The following LHCGR variants were observed in gnomAD, a reference collection of about 807,000 sequenced individuals.
The protein encoded by LHCGR is luteinizing hormone/choriogonadotropin receptor, also known as lutropin-choriogonadotropic hormone receptor.
Under a neutral mutation model 60.7 loss-of-function variants are expected in LHCGR, and 55 were observed. That is an observed-to-expected ratio of 0.91 (90% CI 0.73 to 1.13). The LOEUF is 1.13. Ranked by LOEUF, LHCGR falls within the 50% of genes most tolerant of loss-of-function variation. The pLI is 0.00. For synonymous variants in LHCGR, 337 were observed against 316.5 expected, an observed-to-expected ratio of 1.06 and a Z score of -0.69; for missense variants, 862 against 836.0, an observed-to-expected ratio of 1.03 and a Z score of -0.38.
intron 2 of LHCGR, among the ~76,000 whole-genome samples, chr2:48,730,954 CTT>C (rs889910452): frequency 6.6e-6 from 1 of 152,080 alleles, no homozygotes; most frequent in Non-Finnish European, 1.5e-5. Context: ...TGGAATCTAT[CTT>C]TTTTTCTCCT....
rs1281674432 is a variant in LHCGR, at chr2:48,740,169, C to T, written c.162-8871G>A. ...AACGGTGCACGAGGAGATTATATCCCGCACCTGGCTCGGAGGGTCTTACGC... is the reference window on the plus strand; with the variant it reads ...AACGGTGCACGAGGAGATTATATCCTGCACCTGGCTCGGAGGGTCTTACGC... On this transcript the variant is annotated intron_variant, in intron 1 of 10. Coordinates refer to ENST00000294954, the MANE Select transcript of LHCGR (RefSeq NM_000233.4). Among the ~76,000 whole-genome samples the T allele has an allele frequency of 5.3e-5, 8 of 152,354 alleles. 1 individual carries two copies. The highest frequency in any genetic ancestry group is 3.9e-4 in the East Asian group (2 of 5,176).
At chr2:48,697,426 T>C (rs1385341174) in intron 9 of LHCGR, among the ~76,000 whole-genome samples, 1 of 152,230 alleles carries the variant, frequency 6.6e-6, no homozygotes, top group Non-Finnish European at 1.5e-5. Context: ...GTCTGTGACT[T>C]ATCTTTGTAA....
At chr2:48,703,767 T>C (rs1270538426) in intron 8 of LHCGR, among the ~76,000 whole-genome samples, 1 of 152,246 alleles carries the variant, frequency 6.6e-6, no homozygotes, top group Non-Finnish European at 1.5e-5. Context: ...AAGTTGCTTA[T>C]CAGCTTAAGG....
intron 1 of LHCGR, among the ~76,000 whole-genome samples, chr2:48,741,851 T>G: frequency 6.6e-6 from 1 of 151,020 alleles, no homozygotes; most frequent in Non-Finnish European, 1.5e-5. Flanking sequence ...ATATTAACTT[T>G]AAATGTAAAT....
chr2:48,706,626 A>G (rs1198841959), intron 8 of LHCGR, among the ~76,000 whole-genome samples: 1 of 151,558 alleles, frequency 6.6e-6, no homozygotes, highest in Non-Finnish European at 1.5e-5. Flanking sequence ...TTCTTGCTTT[A>G]TTTCATTAAT....
chr2:48,728,716 C>T (rs1483773685), intron 3 of LHCGR, among the ~76,000 whole-genome samples: 2 of 152,148 alleles, frequency 1.3e-5, no homozygotes, highest in Non-Finnish European at 2.9e-5. Context: ...ACCCAACACA[C>T]ACATGCCTAT....
At chr2:48,743,726 C>A (rs2103699796) in intron 1 of LHCGR, among the ~76,000 whole-genome samples, 1 of 152,102 alleles carries the variant, frequency 6.6e-6, no homozygotes, top group Non-Finnish European at 1.5e-5. Flanking sequence ...GACAAACCCA[C>A]AGCCAATATC....
At chr2:48,750,557 A>AAC (rs1669914253) in intron 1 of LHCGR, among the ~76,000 whole-genome samples, 1 of 152,090 alleles carries the variant, frequency 6.6e-6, no homozygotes, top group African/African-American at 2.4e-5. Context: ...GCATTTTCTC[A>AAC]CTTCCCCATT....
In LHCGR at chr2:48,687,235, T is replaced by G. The variant is rs559109561; in HGVS notation, c.*462A>C. On this transcript the variant is annotated 3_prime_UTR_variant, in exon 11 of 11. Transcript: ENST00000294954. ...ATTTCTCATTTTATTTAATTTTAAT[T>G]TAGCCACATGTGGCTAGTGGCTACC... 1.6e-4 allele frequency: 25 copies of G among 158,758 alleles called. No individual in the cohort carries two copies. The highest frequency in any genetic ancestry group is 5.8e-4 in the African/African-American group (24 of 41,588). The allele number at this position is 158,758 out of a possible 1,614,324, so 9.8% of individuals were successfully genotyped here.
In LHCGR at chr2:48,725,661, A is replaced by G. The variant is rs1186300707; in HGVS notation, c.383+15T>C. The stretch of plus-strand genomic sequence containing the variant: ...TCTTCCCCTCCCCAATTGCTTAAAA[A>G]GGAAAATTTCTCACAAGTATTTTAA... On this transcript the variant is annotated intron_variant, in intron 4 of 10. Transcript: ENST00000294954. The G allele has an allele frequency of 1.3e-5, 20 of 1,597,640 alleles. No homozygotes were observed. The highest frequency in any genetic ancestry group is 1.7e-5 in the Non-Finnish European group (20 of 1,165,178).
At chr2:48,734,657 T>C (rs2103649339) in intron 1 of LHCGR, among the ~76,000 whole-genome samples, 1 of 152,314 alleles carries the variant, frequency 6.6e-6, no homozygotes, top group Non-Finnish European at 1.5e-5. Context: ...TGTGAACTAT[T>C]GTGGAAAGGT....
intron 8 of LHCGR, among the ~76,000 whole-genome samples, chr2:48,699,340 C>T (rs1023424746): frequency 1.3e-5 from 2 of 152,120 alleles, no homozygotes; most frequent in Admixed American, 6.5e-5. Context: ...ACCTACCATA[C>T]ATTTATTAGC....
intron 1 of LHCGR, among the ~76,000 whole-genome samples, chr2:48,754,822 A>G (rs554458462): frequency 3.9e-4 from 60 of 151,974 alleles, no homozygotes; most frequent in African/African-American, 1.4e-3. Flanking sequence ...TTACCCCATT[A>G]CTCCAGAAAC....
At chr2:48,713,013 A>G (rs1004376655) in intron 7 of LHCGR, among the ~76,000 whole-genome samples, 45 of 152,158 alleles carry the variant, frequency 3.0e-4, no homozygotes, top group Admixed American at 2.2e-3. Flanking sequence ...CCAACATTAG[A>G]CTGTGCTACC....
At chr2:48,702,206 G>T (rs1013962287) in intron 8 of LHCGR, among the ~76,000 whole-genome samples, 4 of 151,656 alleles carry the variant, frequency 2.6e-5, no homozygotes, top group Non-Finnish European at 4.4e-5. Flanking sequence ...GTTTCATGTT[G>T]GATGTTTCAG....
chr2:48,716,319 A>G (rs1489809584), intron 6 of LHCGR, among the ~76,000 whole-genome samples: 2 of 152,220 alleles, frequency 1.3e-5, no homozygotes, highest in African/African-American at 4.8e-5. Context: ...GTTATGATTT[A>G]TGGTAAGAAA....
In LHCGR at chr2:48,687,527, T is replaced by C. The variant is rs1039407616; in HGVS notation, c.*170A>G. 3.1e-5 allele frequency: 18 copies of C among 578,122 alleles called. No individual in the cohort carries two copies. The highest frequency in any genetic ancestry group is 2.1e-4 in the Admixed American group (7 of 32,830). The allele number at this position is 578,122 out of a possible 1,614,324, so 35.8% of individuals were successfully genotyped here. On this transcript the variant is annotated 3_prime_UTR_variant, in exon 11 of 11. Transcript: ENST00000294954. ...TGTAACAATGACAAATAGTTTTTAG[T>C]GTGGCAGTGGTCATAGACTACACTT...
intron 1 of LHCGR, among the ~76,000 whole-genome samples, chr2:48,744,702 G>T (rs1170591956): frequency 1.4e-5 from 2 of 140,690 alleles, no homozygotes; most frequent in East Asian, 2.1e-4. Flanking sequence ...ATTCAAGATG[G>T]ATTAAAGACT....
At chr2:48,703,704 A>C (rs551384804) in intron 8 of LHCGR, among the ~76,000 whole-genome samples, 1 of 152,308 alleles carries the variant, frequency 6.6e-6, no homozygotes, top group South Asian at 2.1e-4. Context: ...TTATTGGTGA[A>C]TAGGAATGCT....
Sources: gnomAD v4.1 joint callset for allele counts (sites outside exome capture counted in the v4.1 genomes callset) on GRCh38, gnomAD v4.1.1 for gene constraint, MANE v1.5 for transcripts, NCBI Gene and HGNC (gene_info 2026-07-23, HGNC 2026-07-21) for gene names.